Variants in PCCA observed in about 807,000 individuals in gnomAD.
PCCA encodes propionyl-CoA carboxylase subunit alpha.
Under a neutral mutation model 101.3 loss-of-function variants are expected in PCCA, and 74 were observed. The ratio of observed to expected loss-of-function variants is 0.73; its 90% CI spans 0.61 to 0.89. PCCA has a LOEUF of 0.89. Ranked by LOEUF, PCCA falls within the 40% of genes least tolerant of loss-of-function variation. The pLI is 0.00. For missense variants in PCCA, 891 were observed against 907.0 expected, an observed-to-expected ratio of 0.98 and a Z score of 0.23; for synonymous variants, 294 against 313.6, an observed-to-expected ratio of 0.94 and a Z score of 0.66.
chr13:100,173,905 T>C (rs2055972911), intron 6 of PCCA, among the ~76,000 whole-genome samples: 1 of 152,222 alleles, frequency 6.6e-6, no homozygotes, highest in African/African-American at 2.4e-5. Flanking sequence ...CCTGCTGCCA[T>C]GTAAGACATG....
At chr13:100,242,768 A>T (rs1387461603) in intron 8 of PCCA, among the ~76,000 whole-genome samples, 1 of 152,164 alleles carries the variant, frequency 6.6e-6, no homozygotes, top group Admixed American at 6.5e-5. Flanking sequence ...GCATGTACTG[A>T]TTTATATTGA....
chr13:100,116,510 T>C (rs903840226), intron 4 of PCCA, among the ~76,000 whole-genome samples: 1 of 152,220 alleles, frequency 6.6e-6, no homozygotes, highest in Non-Finnish European at 1.5e-5. Flanking sequence ...GCAGTTTACC[T>C]CTGTTGGTCC....
Position 100,182,379 on chromosome 13 carries a change from G to A in PCCA, c.468+25039G>A, listed in dbSNP as rs140134532. On this transcript the variant is annotated intron_variant, in intron 6 of 23. Transcript: ENST00000376285. ...CCCAAAGTGCTAGGATTACAGCACT[G>A]TGCCTGGCCAGTTACTAATATTCAG... is the stretch of plus-strand genomic sequence containing the variant. Among the ~76,000 whole-genome samples the A allele has an allele frequency of 2.0e-3, 307 of 152,244 alleles. 2 individuals are homozygous for A. Among genetic ancestry groups the A allele is most frequent in the African/African-American group, 7.0e-3 (292 of 41,552 alleles).
intron 8 of PCCA, among the ~76,000 whole-genome samples, chr13:100,256,087 A>G (rs1566806093): frequency 6.6e-6 from 1 of 152,088 alleles, no homozygotes; most frequent in Non-Finnish European, 1.5e-5. Flanking sequence ...GGCTCACTGC[A>G]ATCTCCGCCT....
At chr13:100,095,734 A>G (rs568370770) in intron 1 of PCCA, among the ~76,000 whole-genome samples, 1 of 152,288 alleles carries the variant, frequency 6.6e-6, no homozygotes, top group East Asian at 1.9e-4. Context: ...AGTGAACTGA[A>G]TGAGGGGGTG....
intron 21 of PCCA, among the ~76,000 whole-genome samples, chr13:100,512,259 C>T (rs908040754): frequency 6.6e-6 from 1 of 152,116 alleles, no homozygotes; most frequent in Admixed American, 6.5e-5. Flanking sequence ...TTCTTTTAAT[C>T]TTTTGGGAGA....
intron 7 of PCCA, among the ~76,000 whole-genome samples, chr13:100,227,148 T>G (rs2060192648): frequency 6.6e-6 from 1 of 151,426 alleles, no homozygotes; most frequent in South Asian, 2.1e-4. Context: ...ATTTTTTTGT[T>G]TTTTTTTTGG....
intron 6 of PCCA, among the ~76,000 whole-genome samples, chr13:100,208,660 C>T (rs2059021416): frequency 6.6e-6 from 1 of 151,926 alleles, no homozygotes; most frequent in Non-Finnish European, 1.5e-5. Context: ...ATTAGAGTGG[C>T]ATAAACAAGA....
intron 2 of PCCA, among the ~76,000 whole-genome samples, chr13:100,106,474 G>A (rs1353507865): frequency 1.3e-5 from 2 of 152,108 alleles, no homozygotes; most frequent in Non-Finnish European, 2.9e-5. Context: ...GCAGTGGCAT[G>A]ATCTTGGCTC....
intron 19 of PCCA, among the ~76,000 whole-genome samples, chr13:100,402,902 A>G (rs905482671): frequency 2.6e-5 from 4 of 152,340 alleles, no homozygotes; most frequent in African/African-American, 9.6e-5. Flanking sequence ...GCCTGTGCAC[A>G]TTTGCTGAAT....
chr13:100,491,073 G>A (rs1429781146), intron 21 of PCCA: 1 of 151,410 alleles, frequency 6.6e-6, no homozygotes, highest in East Asian at 1.9e-4. Flanking sequence ...TGCTGCTGCT[G>A]GTCAGGGAAC....
At chr13:100,463,128 A>G (rs1293902991) in intron 21 of PCCA, among the ~76,000 whole-genome samples, 1 of 152,168 alleles carries the variant, frequency 6.6e-6, no homozygotes, top group Non-Finnish European at 1.5e-5. Context: ...AAGATGTCCC[A>G]AGTGTTTAAG....
chr13:100,416,848 T>A (rs1033959973), intron 19 of PCCA, among the ~76,000 whole-genome samples: 1 of 147,706 alleles, frequency 6.8e-6, no homozygotes, highest in African/African-American at 2.5e-5. Flanking sequence ...TTCTTTTTGT[T>A]TGTTTGTTTT....
chr13:100,214,507 C>T (rs1046830008), intron 7 of PCCA, among the ~76,000 whole-genome samples: 2 of 151,874 alleles, frequency 1.3e-5, no homozygotes, highest in African/African-American at 4.8e-5. Flanking sequence ...TCACTGCAAC[C>T]TCTGCCTCCC....
intron 21 of PCCA, among the ~76,000 whole-genome samples, chr13:100,452,027 CCCTCTCTCCTTTCCTCCTCTT>C (rs2081344833): frequency 8.3e-6 from 1 of 120,030 alleles, no homozygotes; most frequent in South Asian, 2.9e-4. Context: ...TCCCTCCTCT[CCCTCTCTCCTTTCCTCCTCTT>C]CCTCTCTCCT....
intron 7 of PCCA, among the ~76,000 whole-genome samples, chr13:100,218,461 C>T (rs1241149516): frequency 2.6e-5 from 4 of 152,116 alleles, no homozygotes; most frequent in East Asian, 1.9e-4. Flanking sequence ...GGATTACAGG[C>T]GCGTGCCACT....
chr13:100,327,588 G>A (rs529412641), intron 16 of PCCA, among the ~76,000 whole-genome samples: 140 of 152,280 alleles, frequency 9.2e-4, no homozygotes, highest in African/African-American at 3.1e-3. Context: ...GACTTAATAC[G>A]TAGGAGTGAG....
chr13:100,286,085 T>G (rs886953139), intron 12 of PCCA, among the ~76,000 whole-genome samples: 11 of 151,982 alleles, frequency 7.2e-5, no homozygotes, highest in Non-Finnish European at 1.6e-4. Flanking sequence ...TGCATGTGTG[T>G]GGGGGGGAAG....
chr13:100,264,747 A>G (rs1047521412), intron 10 of PCCA, among the ~76,000 whole-genome samples: 2 of 152,156 alleles, frequency 1.3e-5, no homozygotes, highest in Admixed American at 6.5e-5. Flanking sequence ...TGGATTACAT[A>G]GTAAGGTTAT....
Sources: allele counts gnomAD v4.1 joint callset (sites outside exome capture counted in the v4.1 genomes callset), GRCh38; gene constraint gnomAD v4.1.1; transcripts MANE v1.5; gene names NCBI Gene and HGNC (gene_info 2026-07-23, HGNC 2026-07-21).